The following MACF1 variants were observed in gnomAD, a reference collection of about 807,000 sequenced individuals.
The protein encoded by MACF1 is microtubule actin crosslinking factor 1.
Under a neutral mutation model 854.8 loss-of-function variants are expected in MACF1, and 193 were observed. That is an observed-to-expected ratio of 0.23 (90% CI 0.20 to 0.25). MACF1 has a LOEUF of 0.25. Among genes scored for constraint, MACF1 ranks in the 10% least tolerant of loss-of-function variants. The pLI is 1.00. For synonymous variants in MACF1, 3,185 were observed against 3,226.7 expected (o/e 0.99, Z 0.44); for missense variants, 7,722 against 8,929.1 (o/e 0.86, Z 5.45).
chr1:39,250,258 C>G (rs1353845370), intron 3 of MACF1, 155 bp downstream of exon 3: 4 of 456,102 alleles, frequency 8.8e-6, no homozygotes, highest in East Asian at 6.4e-5. Context: ...ATTTCTAACT[C>G]AGACTTAGAA....
At chr1:39,391,267 T>A (rs1428349625) in intron 58 of MACF1, among the ~76,000 whole-genome samples, 1 of 152,236 alleles carries the variant, frequency 6.6e-6, no homozygotes, top group Non-Finnish European at 1.5e-5. Flanking sequence ...TTGTACTGTC[T>A]ATACTATGGT....
chr1:39,137,132 C>T (rs565217518), intron 2 of MACF1, among the ~76,000 whole-genome samples: 4 of 152,222 alleles, frequency 2.6e-5, no homozygotes, highest in African/African-American at 7.2e-5. Flanking sequence ...TGCAGTGGTG[C>T]GATCTTGGCT....
At chr1:39,138,944 C>T (rs763084132) in intron 2 of MACF1, among the ~76,000 whole-genome samples, 12 of 152,140 alleles carry the variant, frequency 7.9e-5, no homozygotes, top group Non-Finnish European at 1.8e-4. Context: ...GGATTACAGG[C>T]GTAAGCCACC....
intron 53 of MACF1, 91 bp downstream of exon 53, chr1:39,378,614 AG>A (rs1338352521): frequency 8.0e-7 from 1 of 1,256,918 alleles, no homozygotes; most frequent in African/African-American, 1.5e-5. Context: ...ATGTGGTGGA[AG>A]AACTGCTGCC....
At chr1:39,297,519 A>G in intron 20 of MACF1, 101 bp from the exon 21 acceptor site, 1 of 1,387,656 alleles carries the variant, frequency 7.2e-7, no homozygotes, top group Non-Finnish European at 1.0e-6. Context: ...GGGTGTAATC[A>G]GCTTTGCTAA....
chr1:39,439,789 A>G (rs1028046816), intron 72 of MACF1, among the ~76,000 whole-genome samples: 8 of 152,014 alleles, frequency 5.3e-5, no homozygotes, highest in Admixed American at 4.6e-4. Context: ...TATTTTTAGT[A>G]GAGACAGGGT....
intron 2 of MACF1, among the ~76,000 whole-genome samples, chr1:39,175,941 CA>C (rs68102262): frequency 0.64 from 62,659 of 98,310 alleles, 19,734 homozygotes; most frequent in East Asian, 0.77. Context: ...ACTAAAAATA[CA>C]AAAAAAAAAA....
chr1:39,387,984 A>T lies in MACF1; in HGVS notation c.15142A>T (p.Asn5048Tyr). 6.2e-7 allele frequency: 1 copy of T among 1,614,124 alleles called. No individual in the cohort carries two copies. Among genetic ancestry groups the T allele is most frequent in the Non-Finnish European group, 8.5e-7 (1 of 1,180,018 alleles). Reference protein sequence around the residue: ...ALGSQACSNKNLEKLRAQQEV... With the variant: ...ALGSQACSNKYLEKLRAQQEV... ...GGGTTCTCAAGCCTGTAGCAACAAG[A>T]ACCTGGAGAAGCTAAGAGCTCAACA... The change falls in exon 58 of 101, where the codon AAC (asparagine) becomes TAC (tyrosine). Residue 5048 changes from asparagine (N) to tyrosine (Y), a missense_variant. This residue lies in a region of MACF1 where 2,807 missense variants were observed against 3,235.8 expected (regional missense o/e 0.87). Coordinates refer to ENST00000564288, the MANE Select transcript of MACF1 (RefSeq NM_001394062.1).
intron 30 of MACF1, 115 bp from the exon 31 acceptor site, chr1:39,319,549 C>A: frequency 1.5e-6 from 1 of 679,076 alleles, no homozygotes; most frequent in Non-Finnish European, 2.5e-6. Context: ...ACCACCCTTT[C>A]CAGCAATTCT....
At chr1:39,343,348 A>G (rs536887840) in intron 40 of MACF1, among the ~76,000 whole-genome samples, 6 of 152,310 alleles carry the variant, frequency 3.9e-5, no homozygotes, top group African/African-American at 1.2e-4. Flanking sequence ...TCCATGATCA[A>G]CCTTATACAC....
At chr1:39,443,329 G>T in intron 78 of MACF1, 117 bp from the exon 79 acceptor site, 1 of 1,048,288 alleles carries the variant, frequency 9.5e-7, no homozygotes, top group Non-Finnish European at 1.4e-6. Context: ...GAACAGCTTT[G>T]CCAGAGAGCA....
chr1:39,122,568 C>T (rs548818424), intron 2 of MACF1, among the ~76,000 whole-genome samples: 13 of 152,158 alleles, frequency 8.5e-5, no homozygotes, highest in Admixed American at 4.6e-4. Flanking sequence ...TACTGTTAAG[C>T]GCTAAGAGCA....
At chr1:39,391,175 T>G (rs1372751917) in intron 58 of MACF1, among the ~76,000 whole-genome samples, 4 of 152,142 alleles carry the variant, frequency 2.6e-5, no homozygotes, top group Non-Finnish European at 5.9e-5. Flanking sequence ...GGAATTATTT[T>G]AAACTCAATT....
At chr1:39,257,670 A>C (rs1382577034) in intron 5 of MACF1, 1 of 351,780 alleles carries the variant, frequency 2.8e-6, no homozygotes, top group Non-Finnish European at 5.2e-6. Flanking sequence ...CAAAACAAGG[A>C]ATCAGGATCA....
chr1:39,385,601 C>G lies in MACF1; in HGVS notation c.14016C>G (p.Asn4672Lys). 6.2e-7 allele frequency: 1 copy of G among 1,614,158 alleles called. No homozygotes were observed. Among genetic ancestry groups the G allele is most frequent in the Non-Finnish European group, 8.5e-7 (1 of 1,180,044 alleles). ...GGGTTGAGCTGACTGACAAACTCAA[C>G]TCCCGTTCCAGCCAAATTGACCAAG... ...QKWVELTDKLNSRSSQIDQAI... is the reference protein window; with the variant it reads ...QKWVELTDKLKSRSSQIDQAI... Residue 4672 changes from asparagine (N) to lysine (K), a missense_variant, in exon 57 of 101, where the codon AAC becomes AAG. By Grantham distance (94) the Asn-to-Lys change is moderately conservative (BLOSUM62 0). This residue lies in a region of MACF1 where 2,807 missense variants were observed against 3,235.8 expected (regional missense o/e 0.87). Transcript: ENST00000564288.
chr1:39,377,445 C>G (rs1188604968), intron 52 of MACF1, among the ~76,000 whole-genome samples: 1 of 152,058 alleles, frequency 6.6e-6, no homozygotes, highest in Non-Finnish European at 1.5e-5. Context: ...ATTACCTCAC[C>G]TGATTTTTAC....
intron 22 of MACF1, among the ~76,000 whole-genome samples, chr1:39,300,567 G>A (rs1408967780): frequency 2.6e-5 from 4 of 151,458 alleles, no homozygotes; most frequent in Non-Finnish European, 5.9e-5. Flanking sequence ...CCCTGCCTCA[G>A]TGATTGGCAT....
At chr1:39,147,161 C>T (rs950089964) in intron 2 of MACF1, among the ~76,000 whole-genome samples, 1 of 147,888 alleles carries the variant, frequency 6.8e-6, no homozygotes, top group Non-Finnish European at 1.5e-5. Context: ...TTTCCCATTC[C>T]CCTTTCCCCT....
chr1:39,415,441 T>C (rs1643257917), intron 58 of MACF1, among the ~76,000 whole-genome samples: 1 of 150,670 alleles, frequency 6.6e-6, no homozygotes, highest in Non-Finnish European at 1.5e-5. Context: ...GTTCACGCCA[T>C]TCTCCTGCCT....
Sources: gnomAD v4.1 joint callset for allele counts (sites outside exome capture counted in the v4.1 genomes callset) on GRCh38, gnomAD v4.1.1 for gene constraint, gnomAD v4.1.1 regional missense constraint, MANE v1.5 for transcripts, NCBI Gene and HGNC (gene_info 2026-07-23, HGNC 2026-07-21) for gene names.